ZNF385B: variants seen among roughly 807,000 people sequenced by gnomAD.
The protein encoded by ZNF385B is zinc finger protein 533.
ZNF385B carries 23 observed loss-of-function variants against 39.2 expected under a neutral mutation model. The ratio of observed to expected loss-of-function variants is 0.59; its 90% CI spans 0.42 to 0.83. The LOEUF is 0.83. Ranked by LOEUF, ZNF385B falls within the 40% of genes least tolerant of loss-of-function variation. The probability of loss-of-function intolerance (pLI) is 0.00; values close to 1 mark genes in which losing one functional copy is unlikely to be tolerated. For synonymous variants in ZNF385B, 205 were observed against 222.6 expected, an observed-to-expected ratio of 0.92 and a Z score of 0.70; for missense variants, 552 against 598.9, an observed-to-expected ratio of 0.92 and a Z score of 0.82.
chr2:179,561,741 T>C (rs1423135487), intron 3 of ZNF385B, among the ~76,000 whole-genome samples: 1 of 152,160 alleles, frequency 6.6e-6, no homozygotes, highest in Non-Finnish European at 1.5e-5. Context: ...AAATTATACC[T>C]ACTCTTATAA....
At chr2:179,701,021 A>G (rs1699155765) in intron 3 of ZNF385B, among the ~76,000 whole-genome samples, 1 of 152,178 alleles carries the variant, frequency 6.6e-6, no homozygotes, top group African/African-American at 2.4e-5. Context: ...TCAAAAAAAC[A>G]AAACAAAAAC....
chr2:179,819,394 C>T (rs1310690446), intron 1 of ZNF385B, among the ~76,000 whole-genome samples: 1 of 152,144 alleles, frequency 6.6e-6, no homozygotes, highest in African/African-American at 2.4e-5. Flanking sequence ...ACCTCCCCCT[C>T]TACCACATCA....
intron 3 of ZNF385B, among the ~76,000 whole-genome samples, chr2:179,760,949 T>C (rs1275073449): frequency 1.3e-5 from 2 of 152,220 alleles, no homozygotes; most frequent in African/African-American, 4.8e-5. Context: ...GTTTATTTGT[T>C]TTGTTGCCTA....
chr2:179,628,746 T>C (rs544490911), intron 3 of ZNF385B, among the ~76,000 whole-genome samples: 45 of 152,300 alleles, frequency 3.0e-4, no homozygotes, highest in Middle Eastern at 3.4e-3. Flanking sequence ...ATGGTTTAGG[T>C]CTTTTTTTCC....
At chr2:179,785,411 A>G (rs1704934985) in intron 1 of ZNF385B, among the ~76,000 whole-genome samples, 1 of 152,202 alleles carries the variant, frequency 6.6e-6, no homozygotes, top group African/African-American at 2.4e-5. Flanking sequence ...TTTAAGAAAT[A>G]CATTTTGAAA....
intron 1 of ZNF385B, among the ~76,000 whole-genome samples, chr2:179,817,641 A>G (rs899060137): frequency 6.6e-6 from 1 of 150,406 alleles, no homozygotes; most frequent in Non-Finnish European, 1.5e-5. Flanking sequence ...GTGAGTAGAC[A>G]TCACTGTCTG....
intron 6 of ZNF385B, among the ~76,000 whole-genome samples, chr2:179,451,538 T>C (rs1458994082): frequency 6.6e-6 from 1 of 152,114 alleles, no homozygotes; most frequent in African/African-American, 2.4e-5. Flanking sequence ...ACTTACATGG[T>C]CTAAAATTCA....
chr2:179,620,443 A>G (rs1231792857), intron 3 of ZNF385B, among the ~76,000 whole-genome samples: 1 of 152,180 alleles, frequency 6.6e-6, no homozygotes, highest in South Asian at 2.1e-4. Context: ...ACAATTAGTC[A>G]TTGGTAATTA....
chr2:179,673,413 C>T (rs913220554), intron 3 of ZNF385B, among the ~76,000 whole-genome samples: 4 of 151,712 alleles, frequency 2.6e-5, no homozygotes. Context: ...GTATAGTATA[C>T]AAAATATGAA....
chr2:179,745,991 A>C, intron 3 of ZNF385B: 1 of 1,182,516 alleles, frequency 8.5e-7, no homozygotes, highest in Non-Finnish European at 1.0e-6. Context: ...TTGTAAAGAA[A>C]GCAGAGCAAT....
At chr2:179,772,815 A>G (rs1704087995) in intron 1 of ZNF385B, among the ~76,000 whole-genome samples, 1 of 152,242 alleles carries the variant, frequency 6.6e-6, no homozygotes, top group Admixed American at 6.5e-5. Context: ...GATTTTAAAC[A>G]GAGCAGTGGG....
In ZNF385B at chr2:179,516,383, C is replaced by A. The variant is rs1256571463; in HGVS notation, c.552+2145G>T. On this transcript the variant is annotated intron_variant, in intron 5 of 9. Coordinates refer to ENST00000410066, the MANE Select transcript of ZNF385B (RefSeq NM_152520.6). ...AAATTGTTTTCCAAAGTGGCTGTAC[C>A]ATTTTGTATTCTCACTGACAATGTA... is the stretch of plus-strand genomic sequence containing the variant. Among the ~76,000 whole-genome samples, 4 of 152,096 alleles carry A rather than the reference C, an allele frequency of 2.6e-5. No homozygotes were observed. The East Asian group carries it at 5.8e-4, about 22-fold the overall frequency.
At chr2:179,548,360 T>C (rs1409750078) in intron 3 of ZNF385B, among the ~76,000 whole-genome samples, 1 of 149,602 alleles carries the variant, frequency 6.7e-6, no homozygotes, top group Non-Finnish European at 1.5e-5. Context: ...TATAGAAAAG[T>C]AACTGCTGGT....
chr2:179,547,602 T>A (rs922485221), intron 3 of ZNF385B, among the ~76,000 whole-genome samples: 1 of 149,522 alleles, frequency 6.7e-6, no homozygotes, highest in African/African-American at 2.5e-5. Flanking sequence ...AGTACCATGA[T>A]GTTTTGGTTA....
At chr2:179,675,791 ATTTT>A (rs55819457) in intron 3 of ZNF385B, among the ~76,000 whole-genome samples, 2 of 142,630 alleles carry the variant, frequency 1.4e-5, no homozygotes, top group Non-Finnish European at 1.6e-5. Context: ...ACTGACAGTA[ATTTT>A]TTTTTTTTTT....
intron 3 of ZNF385B, chr2:179,585,840 T>C (rs902704368): frequency 6.6e-6 from 1 of 152,272 alleles, no homozygotes; most frequent in African/African-American, 2.4e-5. Context: ...ACCTCTGTAA[T>C]AGCCTCCTGA....
intron 5 of ZNF385B, among the ~76,000 whole-genome samples, chr2:179,484,690 C>G (rs528599936): frequency 6.6e-6 from 1 of 151,970 alleles, no homozygotes; most frequent in African/African-American, 2.4e-5. Context: ...GTAAGAAGTT[C>G]AATGGAGAGC....
intron 3 of ZNF385B, among the ~76,000 whole-genome samples, chr2:179,679,868 T>G (rs1697359790): frequency 6.6e-6 from 1 of 152,162 alleles, no homozygotes; most frequent in Admixed American, 6.5e-5. Flanking sequence ...ACCCCATCAG[T>G]CTAAACCTGA....
chr2:179,684,699 C>T (rs1042781590), intron 3 of ZNF385B, among the ~76,000 whole-genome samples: 3 of 152,116 alleles, frequency 2.0e-5, no homozygotes, highest in African/African-American at 7.2e-5. Context: ...CGTGACATAC[C>T]GAATCACACT....
Sources: gnomAD v4.1 joint callset for allele counts (sites outside exome capture counted in the v4.1 genomes callset) on GRCh38, gnomAD v4.1.1 for gene constraint, MANE v1.5 for transcripts, NCBI Gene and HGNC (gene_info 2026-07-23, HGNC 2026-07-21) for gene names.